ABCA2: variants seen among roughly 807,000 people sequenced by gnomAD.
ABCA2 encodes the protein ATP-binding cassette sub-family A member 2.
ABCA2 carries 84 observed loss-of-function variants against 262.8 expected under a neutral mutation model. The ratio of observed to expected loss-of-function variants is 0.32; its 90% confidence interval spans 0.27 to 0.38. The LOEUF (loss-of-function observed/expected upper bound fraction) is 0.38, where lower values mean the gene tolerates loss of function less well. ABCA2 is among the 10% of genes least tolerant of loss of function. The probability of loss-of-function intolerance (pLI) is 1.00; values close to 1 mark genes in which losing one functional copy is unlikely to be tolerated. For synonymous variants in ABCA2, 1,696 were observed against 1,502.9 expected (o/e 1.13, Z -2.97); for missense variants, 2,662 against 3,405.9 (o/e 0.78, Z 5.44).
Position 137,022,348 on chromosome 9 carries a change from T to C in ABCA2, c.567+3A>G. Reference sequence around the variant, plus strand: ...CCAGGGCTGGGAGCTGTCCCTGCCTTACCTCGGGCGGGTCCACACGGGCGG... The same window carrying C: ...CCAGGGCTGGGAGCTGTCCCTGCCTCACCTCGGGCGGGTCCACACGGGCGG... On this transcript the variant is annotated splice_donor_region_variant and intron_variant, in intron 6 of 48. Coordinates refer to ENST00000341511, the MANE Select transcript of ABCA2 (RefSeq NM_001606.5). 6.2e-7 allele frequency: 1 copy of C among 1,600,908 alleles called. No individual in the cohort carries two copies. The highest frequency in any genetic ancestry group is 8.5e-7 in the Non-Finnish European group (1 of 1,174,442).
At chr9:137,020,606 G>A (rs1262551265) in intron 9 of ABCA2, 88 bp downstream of exon 9, 24 of 1,556,910 alleles carry the variant, frequency 1.5e-5, no homozygotes, top group Non-Finnish European at 1.9e-5. Flanking sequence ...GGCGCCAAAT[G>A]AGACCTCCAG....
At chr9:137,018,625 C>T in intron 13 of ABCA2, 94 bp downstream of exon 13, 2 of 1,086,036 alleles carry the variant, frequency 1.8e-6, no homozygotes, top group Admixed American at 4.8e-5. Flanking sequence ...CAGGGCGCGG[C>T]CAAGGAGTGG....
Position 137,021,289 on chromosome 9 carries a change from C to T in ABCA2, c.897+103G>A, listed in dbSNP as rs1385570121. 4 of 1,442,896 alleles carry T rather than the reference C, an allele frequency of 2.8e-6. No homozygotes were observed. Among genetic ancestry groups the T allele is most frequent in the Non-Finnish European group, 3.7e-6 (4 of 1,071,726 alleles). The allele number at this position is 1,442,896 out of a possible 1,614,324, so 89.4% of individuals were successfully genotyped here. A position where few individuals can be genotyped will look rare whatever the true frequency, so the allele number is the denominator to read the frequency against. Reference sequence around the variant, plus strand: ...ACCCACCCACAGGCAGCATCCCACGCACAGCCTGGGCCCAGGAGCCCTGAG... The same window carrying T: ...ACCCACCCACAGGCAGCATCCCACGTACAGCCTGGGCCCAGGAGCCCTGAG... On this transcript the variant is annotated intron_variant, in intron 8 of 48. Coordinates refer to ENST00000341511, the MANE Select transcript of ABCA2 (RefSeq NM_001606.5). This position sits in a 1 kb window ranked among gnomAD's most constrained non-coding sequence, Gnocchi z 6.0.
At position 137,017,920 on chromosome 9, in the gene ABCA2, C is replaced by G; in HGVS notation, c.2097-19G>C. 3 of 1,612,230 alleles carry G rather than the reference C, an allele frequency of 1.9e-6. No homozygotes were observed. The highest frequency in any genetic ancestry group is 1.7e-6 in the Non-Finnish European group (2 of 1,179,722). On this transcript the variant is annotated intron_variant, in intron 15 of 48. Coordinates refer to ENST00000341511, the MANE Select transcript of ABCA2 (RefSeq NM_001606.5). ...CAGGAAGCTGCGGGGAGGCCGCGCTCAGGCGCCACTCAGCCCCAGCCCCAG... is the reference window on the plus strand; with the variant it reads ...CAGGAAGCTGCGGGGAGGCCGCGCTGAGGCGCCACTCAGCCCCAGCCCCAG...
intron 25 of ABCA2, 23 bp from the exon 26 acceptor site, chr9:137,014,833 G>C: frequency 6.3e-7 from 1 of 1,592,098 alleles, no homozygotes. Context: ...TGGAGGGGGA[G>C]GCTGCGGCAG....
Position 137,007,738 on chromosome 9 carries a change from T to G in ABCA2, c.*191A>C. The G allele has an allele frequency of 2.7e-6, 2 of 754,442 alleles. No homozygotes were observed. Among genetic ancestry groups the G allele is most frequent in the Non-Finnish European group, 4.3e-6 (2 of 460,836 alleles). The allele number at this position is 754,442 out of a possible 1,614,324, so 46.7% of individuals were successfully genotyped here. On this transcript the variant is annotated 3_prime_UTR_variant, in exon 49 of 49. Coordinates refer to ENST00000341511, the MANE Select transcript of ABCA2 (RefSeq NM_001606.5). Reference sequence around the variant, plus strand: ...CGGGCCGGGTCAGCCTTTGGCACAATTAGGGGCGGCAACCGCAGTGACCAC... The same window carrying G: ...CGGGCCGGGTCAGCCTTTGGCACAAGTAGGGGCGGCAACCGCAGTGACCAC...
Position 137,021,552 on chromosome 9 carries a change from TC to T in ABCA2, c.736del (p.Glu246SerfsTer189). On this transcript the variant is annotated frameshift_variant, in exon 8 of 49. Coordinates refer to ENST00000341511, the MANE Select transcript of ABCA2 (RefSeq NM_001606.5). LOFTEE classifies it high-confidence loss of function. The surrounding 1 kb of genome is among the most constrained non-coding windows in gnomAD (Gnocchi z 6.0). ...EQLTCTPGSG[E>X]LGRILTVPES... ...AGGCACAGTGAGGATCCGGCCCAGC[TC>T]CCCCGAGCCCGGCGTGCAGGTGAGC... The T allele has an allele frequency of 6.3e-7, 1 of 1,586,940 alleles. No homozygotes were observed.
In ABCA2 at chr9:137,015,400, G is replaced by A. The variant is rs1006659533; in HGVS notation, c.3697+14C>T. On this transcript the variant is annotated intron_variant, in intron 24 of 48. Transcript: ENST00000341511. ...AGGTGGCCCGAAGCCAGCTCAGGCA[G>A]CTTCAACACAGACCTTGGGGGCCCC... 6.5e-7 allele frequency: 1 copy of A among 1,549,504 alleles called. No individual in the cohort carries two copies. The highest frequency in any genetic ancestry group is 1.2e-5 in the South Asian group (1 of 84,572).
chr9:137,020,172 C>T (rs1588523058), intron 10 of ABCA2, 164 bp downstream of exon 10: 3 of 835,530 alleles, frequency 3.6e-6, no homozygotes, highest in Non-Finnish European at 5.3e-6. Context: ...AAAGGAAAAG[C>T]GACCCCCTGG....
Position 137,024,133 on chromosome 9 carries a change from C to A in ABCA2, c.160+10G>T, listed in dbSNP as rs747285656. 1.9e-6 allele frequency: 3 copies of A among 1,602,918 alleles called. No individual in the cohort carries two copies. Among genetic ancestry groups the A allele is most frequent in the African/African-American group, 2.7e-5 (2 of 74,966 alleles). ...CCCCGGCTGTGCCTGGGGCCTCCTG[C>A]CGCACTCACCTTCCTTCACGGAGAT... is the stretch of plus-strand genomic sequence containing the variant. On this transcript the variant is annotated intron_variant, in intron 2 of 48. Coordinates refer to ENST00000341511, the MANE Select transcript of ABCA2 (RefSeq NM_001606.5).
rs116955868 is a variant in ABCA2, at chr9:137,022,535, A to G, written c.440-57T>C. ...CGCTGCACCTTGGCAAGGTGCCCCC[A>G]CATGCGCTCGGAGCCGAGCCCAACA... On this transcript the variant is annotated intron_variant, in intron 5 of 48. Coordinates refer to ENST00000341511, the MANE Select transcript of ABCA2 (RefSeq NM_001606.5). 14 of 1,590,268 alleles carry G rather than the reference A, an allele frequency of 8.8e-6. No individual in the cohort carries two copies. In the East Asian group the frequency reaches 2.7e-4, roughly 31 times the overall value.
intron 26 of ABCA2, 118 bp from the exon 27 acceptor site, chr9:137,014,522 T>C: frequency 6.9e-7 from 1 of 1,443,810 alleles, no homozygotes; most frequent in East Asian, 2.5e-5. Context: ...CCGGGACCTC[T>C]GGCCACCAGG....
intron 1 of ABCA2, chr9:137,027,588 T>G (rs1831694978): frequency 6.6e-6 from 1 of 152,310 alleles, no homozygotes; most frequent in Non-Finnish European, 1.5e-5. Flanking sequence ...CCAACCTCTA[T>G]GGCAGGCCGC....
In ABCA2 at chr9:137,011,376, C is replaced by T. The variant is rs201824896; in HGVS notation, c.5799+31G>A. ...TGAGGGGCACAGCCTCCGCAGGGTCCGCCACCCCCACCATGTCGTCACCGC... is the reference window on the plus strand; with the variant it reads ...TGAGGGGCACAGCCTCCGCAGGGTCTGCCACCCCCACCATGTCGTCACCGC... On this transcript the variant is annotated intron_variant, in intron 37 of 48. Coordinates refer to ENST00000341511, the MANE Select transcript of ABCA2 (RefSeq NM_001606.5). The surrounding 1 kb of genome is among the most constrained non-coding windows in gnomAD (Gnocchi z 8.8). The T allele has an allele frequency of 1.6e-4, 258 of 1,607,446 alleles. No individual in the cohort carries two copies. The Middle Eastern group carries it at 2.5e-3, about 15-fold the overall frequency.
In ABCA2 at chr9:137,015,665, C is replaced by T. The variant is rs766893275; in HGVS notation, c.3514+10G>A. The T allele has an allele frequency of 2.1e-5, 33 of 1,609,178 alleles. No homozygotes were observed. The highest frequency in any genetic ancestry group is 2.2e-5 in the Non-Finnish European group (26 of 1,178,502). ...CGCCCGCACCCCTGCCCACACGGCA[C>T]CCCACTCACCTGGCTTGTACTTCAG... is the stretch of plus-strand genomic sequence containing the variant. On this transcript the variant is annotated intron_variant, in intron 23 of 48. Transcript: ENST00000341511.
At chr9:137,010,489 C>T in intron 40 of ABCA2, 118 bp from the exon 41 acceptor site, 2 of 1,456,090 alleles carry the variant, frequency 1.4e-6, no homozygotes, top group Non-Finnish European at 9.3e-7. Context: ...CCCCACAGCC[C>T]CACCCCATGC....
chr9:137,008,364 G>C (rs896434184), intron 48 of ABCA2, 52 bp downstream of exon 48: 4 of 1,542,914 alleles, frequency 2.6e-6, no homozygotes, highest in Middle Eastern at 3.3e-4. Context: ...CCACCAGGCA[G>C]CCTGGGTCCA....
chr9:137,012,619 G>A, intron 31 of ABCA2, 29 bp from the exon 32 acceptor site: 1 of 1,610,344 alleles, frequency 6.2e-7, no homozygotes, highest in Non-Finnish European at 8.5e-7. Flanking sequence ...GGGGCGGTGA[G>A]GCTAGGCAGG....
In ABCA2 at chr9:137,021,699, G is replaced by T; in HGVS notation, c.679-89C>A. On this transcript the variant is annotated intron_variant, in intron 7 of 48. Coordinates refer to ENST00000341511, the MANE Select transcript of ABCA2 (RefSeq NM_001606.5). This position sits in a 1 kb window ranked among gnomAD's most constrained non-coding sequence, Gnocchi z 6.0. ...CAGGCCTCACCCTGCCCCACCCACT[G>T]GCTGGCTCTGGGGCTGCCTGGGTCC... is the stretch of plus-strand genomic sequence containing the variant. 1 of 1,409,544 alleles carries T rather than the reference G, an allele frequency of 7.1e-7. No homozygotes were observed. Among genetic ancestry groups the T allele is most frequent in the Non-Finnish European group, 9.6e-7 (1 of 1,038,230 alleles). The allele number at this position is 1,409,544 out of a possible 1,614,324, so 87.3% of individuals were successfully genotyped here. A position where few individuals can be genotyped will look rare whatever the true frequency, so the allele number is the denominator to read the frequency against.
Sources: gnomAD v4.1 joint callset for allele counts on GRCh38, gnomAD v4.1.1 for gene constraint, Gnocchi (gnomAD v3.1) non-coding constraint, MANE v1.5 for transcripts, NCBI Gene and HGNC (gene_info 2026-07-23, HGNC 2026-07-21) for gene names.